UPRT: variants seen among roughly 807,000 people sequenced by gnomAD.
UPRT encodes the protein RP11-311P8.3.
A neutral mutation model predicts 22.6 loss-of-function variants in UPRT; 5 were observed. The observed-to-expected ratio is 0.22, with a 90% CI of 0.12 to 0.47. The LOEUF (loss-of-function observed/expected upper bound fraction) is 0.47, where lower values mean the gene tolerates loss of function less well. Ranked by LOEUF, UPRT falls within the 20% of genes least tolerant of loss-of-function variation. The pLI, the probability that UPRT is intolerant of heterozygous loss-of-function variation, is 0.99. For synonymous variants in UPRT, 77 were observed against 87.7 expected, an observed-to-expected ratio of 0.88 and a Z score of 0.68; for missense variants, 181 against 239.9, an observed-to-expected ratio of 0.75 and a Z score of 1.62.
intron 4 of UPRT, among the ~76,000 whole-genome samples, chrX:75,225,643 C>A (rs1436664909): frequency 2.7e-5 from 3 of 111,414 alleles, no homozygotes; most frequent in Non-Finnish European, 5.6e-5. Context: ...TGCTGTTTGA[C>A]CTTAGGACCA....
At chrX:75,274,778 GT>G (rs2082624914) in intron 1 of UPRT, 138 bp downstream of exon 1, 26 of 12,609 alleles carry the variant, frequency 2.1e-3, no homozygotes, top group East Asian at 5.9e-3. Flanking sequence ...TTTATTTGGT[GT>G]GTGTGTGTGT....
intron 4 of UPRT, among the ~76,000 whole-genome samples, chrX:75,183,106 T>C (rs1481850731): frequency 9.0e-6 from 1 of 110,869 alleles, no homozygotes; most frequent in East Asian, 2.8e-4. Context: ...ATGTGACATG[T>C]TGGCATGCTA....
intron 4 of UPRT, among the ~76,000 whole-genome samples, chrX:75,172,837 A>T (rs966466427): frequency 4.3e-4 from 48 of 111,024 alleles, no homozygotes; most frequent in Admixed American, 4.2e-3. Context: ...TTTCGCAGTG[A>T]GTGTTACAGC....
At chrX:75,291,088 ATTTG>A (rs1162080500) in intron 1 of UPRT, among the ~76,000 whole-genome samples, 18 of 111,903 alleles carry the variant, frequency 1.6e-4, no homozygotes, top group African/African-American at 5.8e-4. Context: ...TGTGTGACAC[ATTTG>A]TTTATGTGAG....
intron 4 of UPRT, among the ~76,000 whole-genome samples, chrX:75,247,340 G>A (rs941988806): frequency 9.0e-6 from 1 of 111,388 alleles, no homozygotes. Context: ...TCAAAAAAAA[G>A]GGGTGACAGA....
chrX:75,260,549 C>G (rs2082564569), intron 4 of UPRT, among the ~76,000 whole-genome samples: 1 of 112,209 alleles, frequency 8.9e-6, no homozygotes, highest in Admixed American at 9.4e-5. Context: ...ATAAGAAGAG[C>G]TAACTATTTT....
At chrX:75,266,941 G>A (rs985752315) in intron 4 of UPRT, among the ~76,000 whole-genome samples, 4 of 111,236 alleles carry the variant, frequency 3.6e-5, no homozygotes, top group African/African-American at 1.3e-4. Flanking sequence ...GGAAATAACA[G>A]GTTCTGGAGA....
chrX:75,160,818 C>T (rs1415665678), intron 2 of UPRT, among the ~76,000 whole-genome samples: 3 of 112,479 alleles, frequency 2.7e-5, no homozygotes. Context: ...GCATGAGCCA[C>T]CATGACCAGT....
intron 4 of UPRT, among the ~76,000 whole-genome samples, chrX:75,252,869 A>T (rs1439927985): frequency 1.8e-5 from 2 of 112,451 alleles, no homozygotes. Flanking sequence ...GCCATAAAAA[A>T]TGATGAGTTC....
chrX:75,192,024 G>A (rs931923832), intron 4 of UPRT, among the ~76,000 whole-genome samples: 1 of 111,502 alleles, frequency 9.0e-6, no homozygotes, highest in African/African-American at 3.3e-5. Context: ...CGTTGGTAAT[G>A]CAGAAATCAC....
At chrX:75,168,646 C>T (rs2082218897) in intron 4 of UPRT, among the ~76,000 whole-genome samples, 1 of 111,222 alleles carries the variant, frequency 9.0e-6, no homozygotes, top group South Asian at 3.9e-4. Flanking sequence ...TCTCCTGCCT[C>T]AGCCTCCCGA....
chrX:75,167,434 T>G (rs1416944779), intron 3 of UPRT, among the ~76,000 whole-genome samples: 1 of 112,129 alleles, frequency 8.9e-6, no homozygotes, highest in Admixed American at 9.5e-5. Context: ...GCTCTTTAAA[T>G]TATTCATGGG....
rs145212374 is a variant in UPRT, at chrX:75,216,357, C to T, written c.-447+48478C>T. ...GCAAATTCAGAATAGAAGGGAACTT[C>T]TTCAACTTCATAAGAATATGTACAC... On this transcript the variant is annotated intron_variant, in intron 4 of 13. Coordinates refer to the UPRT transcript ENST00000652605. 9.6e-3 allele frequency among the ~76,000 whole-genome samples: 1,071 copies of T among 111,966 alleles called. 6 individuals carry two copies. The highest frequency in any genetic ancestry group is 0.015 in the Non-Finnish European group (780 of 53,202).
chrX:75,200,684 G>T (rs1250153762), intron 4 of UPRT, among the ~76,000 whole-genome samples: 2 of 111,546 alleles, frequency 1.8e-5, no homozygotes, highest in Non-Finnish European at 3.8e-5. Flanking sequence ...AGGAGCATTG[G>T]CTTATGCCTG....
rs754140028 is a variant in UPRT at position 75,250,692 on chromosome X, T to A, written c.-446-40332T>A. Among the ~76,000 whole-genome samples, 40 of 111,098 alleles carry A rather than the reference T, an allele frequency of 3.6e-4. 1 individual carries two copies. The South Asian group carries it at 0.015, about 41-fold the overall frequency. On this transcript the variant is annotated intron_variant, in intron 4 of 13. Coordinates refer to the UPRT transcript ENST00000652605. ...TTCCAATCAATAGAAAAAGAGGGAATCCTCCCTAACTCATTTTATGAGGCC... is the reference window on the plus strand; with the variant it reads ...TTCCAATCAATAGAAAAAGAGGGAAACCTCCCTAACTCATTTTATGAGGCC...
At chrX:75,244,154 G>C (rs956486900) in intron 4 of UPRT, among the ~76,000 whole-genome samples, 4 of 111,484 alleles carry the variant, frequency 3.6e-5, no homozygotes, top group Non-Finnish European at 7.6e-5. Flanking sequence ...AAATACCACT[G>C]ATACCAATAC....
intron 4 of UPRT, among the ~76,000 whole-genome samples, chrX:75,227,540 G>A (rs1297091501): frequency 8.9e-6 from 1 of 112,111 alleles, no homozygotes; most frequent in Admixed American, 9.5e-5. Flanking sequence ...ACTTGCCGAA[G>A]TTCCTGAATA....
Position 75,274,206 on chromosome X carries a change from C to CT in UPRT, c.-46dup. The stretch of plus-strand genomic sequence containing the variant: ...GCATCTGTCCTTTCTACCCGTTCCT[C>CT]TTTATCTTTAGTGTTCAGTAGCAGC... On this transcript the variant is annotated 5_prime_UTR_variant, in exon 1 of 7. Coordinates refer to ENST00000373383, the MANE Select transcript of UPRT (RefSeq NM_145052.4). The CT allele has an allele frequency of 8.6e-7, 1 of 1,160,417 alleles. No individual in the cohort carries two copies. Among genetic ancestry groups the CT allele is most frequent in the Non-Finnish European group, 1.2e-6 (1 of 869,022 alleles).
At chrX:75,272,348 A>G (rs961295327), upstream of UPRT, among the ~76,000 whole-genome samples, 175 of 85,346 alleles carry the variant, frequency 2.1e-3, 4 homozygotes, top group African/African-American at 7.7e-3. Flanking sequence ...ATATATACAC[A>G]TATATATATG....
Sources: gnomAD v4.1 joint callset for allele counts (sites outside exome capture counted in the v4.1 genomes callset) on GRCh38, gnomAD v4.1.1 for gene constraint, MANE v1.5 for transcripts, NCBI Gene and HGNC (gene_info 2026-07-23, HGNC 2026-07-21) for gene names.